The following PPARGC1A variants were observed in gnomAD, a reference collection of about 807,000 sequenced individuals.
PPARGC1A encodes the protein peroxisome proliferator-activated receptor gamma coactivator 1-alpha.
PPARGC1A carries 25 observed loss-of-function variants against 88.7 expected under a neutral mutation model. That is an observed-to-expected ratio of 0.28 (90% CI 0.21 to 0.39). The LOEUF (loss-of-function observed/expected upper bound fraction) is 0.39. PPARGC1A is among the 10% of genes least tolerant of loss of function. The probability of loss-of-function intolerance (pLI) is 1.00; values close to 1 mark genes in which losing one functional copy is unlikely to be tolerated. For missense variants in PPARGC1A, 880 were observed against 968.7 expected, an observed-to-expected ratio of 0.91 and a Z score of 1.22; for synonymous variants, 363 against 355.6, an observed-to-expected ratio of 1.02 and a Z score of -0.24.
At chr4:24,237,868 G>A in the PPARGC1A span, among the ~76,000 whole-genome samples, 1 of 152,130 alleles carries the variant, frequency 6.6e-6, no homozygotes, top group Non-Finnish European at 1.5e-5. Context: ...CTGCCATAGC[G>A]ACAGAACTCA....
At chr4:23,958,864 C>A in the PPARGC1A span, among the ~76,000 whole-genome samples, 1 of 152,104 alleles carries the variant, frequency 6.6e-6, no homozygotes, top group Non-Finnish European at 1.5e-5. Context: ...GAATAGAATA[C>A]TATTTGCCTT....
chr4:24,171,546 A>G, the PPARGC1A span, among the ~76,000 whole-genome samples: 4 of 152,156 alleles, frequency 2.6e-5, no homozygotes, highest in Non-Finnish European at 5.9e-5. Context: ...TCTCCCCTCT[A>G]GAGAACGGAC....
At chr4:24,127,002 C>T in the PPARGC1A span, among the ~76,000 whole-genome samples, 2 of 152,148 alleles carry the variant, frequency 1.3e-5, no homozygotes, top group African/African-American at 4.8e-5. Context: ...ATCCCCGAGC[C>T]AAGCCGTGGG....
the PPARGC1A span, among the ~76,000 whole-genome samples, chr4:24,327,597 G>A: frequency 3.3e-5 from 5 of 151,718 alleles, no homozygotes; most frequent in South Asian, 2.1e-4. Flanking sequence ...CATCCTATGC[G>A]ACAAATGTTT....
the PPARGC1A span, among the ~76,000 whole-genome samples, chr4:24,150,847 C>T: frequency 6.6e-6 from 1 of 152,146 alleles, no homozygotes; most frequent in Non-Finnish European, 1.5e-5. Flanking sequence ...TATACCATGG[C>T]TGAGTACTGC....
At chr4:24,397,639 T>C in the PPARGC1A span, among the ~76,000 whole-genome samples, 1 of 152,194 alleles carries the variant, frequency 6.6e-6, no homozygotes, top group South Asian at 2.1e-4. Flanking sequence ...CCAGCAGCCA[T>C]CTTGGTTGTT....
chr4:23,947,138 G>A, the PPARGC1A span, among the ~76,000 whole-genome samples: 8 of 151,782 alleles, frequency 5.3e-5, no homozygotes, highest in Non-Finnish European at 2.9e-5. Context: ...CTCACTGAGA[G>A]AATTTGATAT....
chr4:24,261,152 T>C, the PPARGC1A span, among the ~76,000 whole-genome samples: 3 of 152,194 alleles, frequency 2.0e-5, no homozygotes, highest in Non-Finnish European at 4.4e-5. Context: ...CTCTGGGTAA[T>C]AGAGAATGTT....
chr4:24,101,039 A>G, the PPARGC1A span, among the ~76,000 whole-genome samples: 2 of 152,190 alleles, frequency 1.3e-5, no homozygotes, highest in Admixed American at 1.3e-4. Flanking sequence ...TGATTTATTT[A>G]ATTTACTTTT....
chr4:24,237,710 C>T, the PPARGC1A span, among the ~76,000 whole-genome samples: 69,656 of 152,040 alleles, frequency 0.46, 16,237 homozygotes, highest in Middle Eastern at 0.55. Context: ...GAAAACGTTT[C>T]AGAAATACTG....
chr4:23,870,305 C>T (rs1411285851), intron 2 of PPARGC1A, among the ~76,000 whole-genome samples: 3 of 152,196 alleles, frequency 2.0e-5, no homozygotes, highest in Non-Finnish European at 4.4e-5. Flanking sequence ...ATTTTCCCCA[C>T]TTTAAAAATT....
At chr4:24,421,176 A>G in the PPARGC1A span, among the ~76,000 whole-genome samples, 4 of 152,214 alleles carry the variant, frequency 2.6e-5, no homozygotes, top group Admixed American at 2.6e-4. Flanking sequence ...AATCAAGATG[A>G]GACATCCAGT....
chr4:24,003,021 G>T, the PPARGC1A span, among the ~76,000 whole-genome samples: 1 of 152,048 alleles, frequency 6.6e-6, no homozygotes, highest in African/African-American at 2.4e-5. Context: ...CTTCTCAGTC[G>T]CCCCAGAGAA....
At chr4:24,234,773 T>A in the PPARGC1A span, among the ~76,000 whole-genome samples, 3 of 152,180 alleles carry the variant, frequency 2.0e-5, no homozygotes, top group South Asian at 6.2e-4. Flanking sequence ...TTTCACGTAA[T>A]CCAATAAACA....
the PPARGC1A span, among the ~76,000 whole-genome samples, chr4:24,232,222 T>C: frequency 5.5e-5 from 8 of 145,096 alleles, no homozygotes; most frequent in African/African-American, 1.9e-4. Context: ...AAATTCTGGA[T>C]TGAAAAAAAA....
chr4:24,325,217 G>A, the PPARGC1A span, among the ~76,000 whole-genome samples: 1 of 152,184 alleles, frequency 6.6e-6, no homozygotes, highest in Admixed American at 6.5e-5. Context: ...AAGGTCAAAA[G>A]GCCATCTTAT....
chr4:24,405,321 C>T, the PPARGC1A span, among the ~76,000 whole-genome samples: 2 of 152,000 alleles, frequency 1.3e-5, no homozygotes, highest in South Asian at 2.1e-4. Context: ...TTTTCCCCTC[C>T]CCCCAAAAAG....
At chr4:23,836,860 G>C (rs1335860055) in intron 2 of PPARGC1A, among the ~76,000 whole-genome samples, 3 of 152,116 alleles carry the variant, frequency 2.0e-5, no homozygotes, top group Non-Finnish European at 4.4e-5. Flanking sequence ...GCACACAGAG[G>C]GTCAATAAAT....
the PPARGC1A span, among the ~76,000 whole-genome samples, chr4:24,004,737 T>C: frequency 6.6e-6 from 1 of 152,118 alleles, no homozygotes; most frequent in Non-Finnish European, 1.5e-5. Context: ...TATGAAAAAT[T>C]GGAGTTCTTG....
Sources: allele counts gnomAD v4.1 joint callset (sites outside exome capture counted in the v4.1 genomes callset), GRCh38; gene constraint gnomAD v4.1.1; transcripts MANE v1.5; gene names NCBI Gene and HGNC (gene_info 2026-07-23, HGNC 2026-07-21).